CAMTA1: variants seen among roughly 807,000 people sequenced by gnomAD.
CAMTA1 encodes the protein calmodulin-binding transcription activator 1.
CAMTA1 carries 27 observed loss-of-function variants against 170.9 expected under a neutral mutation model. The observed-to-expected ratio is 0.16, with a 90% CI of 0.12 to 0.22. The LOEUF (loss-of-function observed/expected upper bound fraction) is 0.22, where lower values mean the gene tolerates loss of function less well. Ranked by LOEUF, CAMTA1 falls within the 10% of genes least tolerant of loss-of-function variation. The pLI, the probability that CAMTA1 is intolerant of heterozygous loss-of-function variation, is 1.00. For synonymous variants in CAMTA1, 833 were observed against 891.5 expected (o/e 0.93, Z 1.17); for missense variants, 1,619 against 2,217.2 (o/e 0.73, Z 5.42).
intron 6 of CAMTA1, among the ~76,000 whole-genome samples, chr1:7,480,051 C>T (rs1188607008): frequency 6.6e-6 from 1 of 150,628 alleles, no homozygotes; most frequent in East Asian, 2.0e-4. Context: ...ATGTGTGAGT[C>T]CGTATGAGTG....
intron 6 of CAMTA1, among the ~76,000 whole-genome samples, chr1:7,595,062 C>T (rs943219996): frequency 6.6e-6 from 1 of 152,124 alleles, no homozygotes; most frequent in African/African-American, 2.4e-5. Context: ...AGACAGGAAG[C>T]GGAGGGTGCT....
intron 4 of CAMTA1, 139 bp downstream of exon 4, chr1:7,091,510 G>T (rs898012901): frequency 1.4e-6 from 1 of 689,662 alleles, no homozygotes; most frequent in Middle Eastern, 2.4e-4. Context: ...CGACACTGAG[G>T]TCTCATTCAT....
chr1:7,088,264 G>C (rs1641005488), intron 3 of CAMTA1, among the ~76,000 whole-genome samples: 1 of 152,180 alleles, frequency 6.6e-6, no homozygotes, highest in Non-Finnish European at 1.5e-5. Flanking sequence ...TTACCTTTGG[G>C]GTGGAGGAGG....
chr1:6,916,294 C>G (rs962730457), intron 3 of CAMTA1, among the ~76,000 whole-genome samples: 1 of 152,100 alleles, frequency 6.6e-6, no homozygotes, highest in African/African-American at 2.4e-5. Flanking sequence ...AAAGCTCATC[C>G]GTTTTCCAAG....
intron 5 of CAMTA1, among the ~76,000 whole-genome samples, chr1:7,352,493 T>A (rs116088644): frequency 0.022 from 3,341 of 152,314 alleles, 117 homozygotes; most frequent in African/African-American, 0.075. Context: ...AGCTGATGAC[T>A]CTGTCCCAGC....
intron 3 of CAMTA1, among the ~76,000 whole-genome samples, chr1:6,902,700 A>T (rs184317288): frequency 2.5e-4 from 38 of 152,364 alleles, no homozygotes; most frequent in African/African-American, 8.4e-4. Context: ...AGTTATACAC[A>T]TGGCCAATAA....
intron 3 of CAMTA1, among the ~76,000 whole-genome samples, chr1:6,836,396 A>G (rs1653114157): frequency 2.6e-5 from 4 of 152,166 alleles, no homozygotes; most frequent in African/African-American, 9.7e-5. Context: ...AAGGCAGGCT[A>G]TGTGGCTTTC....
At chr1:7,701,591 A>T (rs527466109) in intron 11 of CAMTA1, among the ~76,000 whole-genome samples, 23 of 151,614 alleles carry the variant, frequency 1.5e-4, no homozygotes, top group South Asian at 4.2e-4. Context: ...AATTTTTTTT[A>T]AAAAAAATTG....
At chr1:6,999,148 C>G (rs913699026) in intron 3 of CAMTA1, among the ~76,000 whole-genome samples, 1 of 152,192 alleles carries the variant, frequency 6.6e-6, no homozygotes, top group African/African-American at 2.4e-5. Context: ...CAGTGTCTTC[C>G]CTGATCTCTT....
intron 1 of CAMTA1, among the ~76,000 whole-genome samples, chr1:6,786,759 T>C (rs1639515804): frequency 6.6e-6 from 1 of 152,200 alleles, no homozygotes; most frequent in African/African-American, 2.4e-5. Context: ...ACTGACTTGT[T>C]CTCTCTTCTC....
In CAMTA1 at chr1:6,918,349, A is replaced by G. The variant is rs1681279537; in HGVS notation, c.234+93139A>G. 6.6e-6 allele frequency among the ~76,000 whole-genome samples: 1 copy of G among 152,210 alleles called. No homozygotes were observed. Among genetic ancestry groups the G allele is most frequent in the African/African-American group, 2.4e-5 (1 of 41,452 alleles). ...GCCACATTTGTCCTGGGAGCCAATGAGCAGACAGAGTTTGGGTAATCTATG... is the reference window on the plus strand; with the variant it reads ...GCCACATTTGTCCTGGGAGCCAATGGGCAGACAGAGTTTGGGTAATCTATG... On this transcript the variant is annotated intron_variant, in intron 3 of 22. Transcript: ENST00000303635. This position sits in a 1 kb window ranked among gnomAD's most constrained non-coding sequence, Gnocchi z 4.0.
At chr1:7,165,522 C>G (rs1463903107) in intron 4 of CAMTA1, among the ~76,000 whole-genome samples, 1 of 151,922 alleles carries the variant, frequency 6.6e-6, no homozygotes, top group Non-Finnish European at 1.5e-5. Flanking sequence ...ACTTCTGCCT[C>G]GCAGGTTCAA....
chr1:7,400,909 T>C (rs1242418339), intron 5 of CAMTA1, among the ~76,000 whole-genome samples: 1 of 152,228 alleles, frequency 6.6e-6, no homozygotes, highest in Non-Finnish European at 1.5e-5. Context: ...TAGATACAAG[T>C]CATTTATCAT....
At chr1:7,712,749 G>T (rs1320277430) in intron 11 of CAMTA1, among the ~76,000 whole-genome samples, 1 of 152,194 alleles carries the variant, frequency 6.6e-6, no homozygotes, top group Non-Finnish European at 1.5e-5. Context: ...TCCAGACTGG[G>T]TAATTTGTAG....
rs140522990 is a variant in CAMTA1 at position 6,944,472 on chromosome 1, A to G, written c.234+119262A>G. ...CCACCCCATCACGTCCTGCAGCCAC[A>G]CTGAGCTCCTGCTCTTGCTCAGACA... On this transcript the variant is annotated intron_variant, in intron 3 of 22. Coordinates refer to ENST00000303635, the MANE Select transcript of CAMTA1 (RefSeq NM_015215.4). 3.5e-3 allele frequency among the ~76,000 whole-genome samples: 540 copies of G among 152,144 alleles called. 5 individuals carry two copies. Among genetic ancestry groups the G allele is most frequent in the African/African-American group, 0.011 (475 of 41,504 alleles).
At chr1:7,304,288 C>T (rs150300285) in intron 5 of CAMTA1, among the ~76,000 whole-genome samples, 76 of 152,218 alleles carry the variant, frequency 5.0e-4, no homozygotes, top group African/African-American at 1.7e-3. Context: ...TTGGATAGAA[C>T]GAATGCACAA....
intron 5 of CAMTA1, among the ~76,000 whole-genome samples, chr1:7,272,002 T>C (rs944291822): frequency 2.6e-5 from 4 of 152,140 alleles, no homozygotes; most frequent in African/African-American, 9.7e-5. Flanking sequence ...ATGAATTCCC[T>C]GGTGAATTCT....
At chr1:6,967,655 G>A (rs1485326837) in intron 3 of CAMTA1, among the ~76,000 whole-genome samples, 2 of 152,184 alleles carry the variant, frequency 1.3e-5, no homozygotes, top group Admixed American at 6.5e-5. Flanking sequence ...CTCTGGCTGT[G>A]CTGTGTGGTT....
chr1:7,221,434 G>A (rs1027503525), intron 4 of CAMTA1, among the ~76,000 whole-genome samples: 2 of 152,086 alleles, frequency 1.3e-5, no homozygotes, highest in Non-Finnish European at 2.9e-5. Context: ...CCGGCTTTTG[G>A]GTTTCCATAG....
Sources: allele counts gnomAD v4.1 joint callset (sites outside exome capture counted in the v4.1 genomes callset), GRCh38; gene constraint gnomAD v4.1.1; non-coding constraint Gnocchi (gnomAD v3.1); transcripts MANE v1.5; gene names NCBI Gene and HGNC (gene_info 2026-07-23, HGNC 2026-07-21).